The following ARL10 variants were observed in gnomAD, a reference collection of about 807,000 sequenced individuals.
ARL10 encodes ADP-ribosylation factor-like protein 10.
Under a neutral mutation model 26.1 loss-of-function variants are expected in ARL10, and 23 were observed. The observed-to-expected ratio is 0.88, with a 90% confidence interval of 0.63 to 1.25. The LOEUF is 1.25. Ranked by LOEUF, ARL10 falls within the 50% of genes most tolerant of loss-of-function variation. The pLI is 0.00. For missense variants in ARL10, 300 were observed against 323.6 expected, an observed-to-expected ratio of 0.93 and a Z score of 0.56; for synonymous variants, 138 against 149.1, an observed-to-expected ratio of 0.93 and a Z score of 0.54.
downstream of ARL10, chr5:176,384,287 C>G (rs1418994963): frequency 6.2e-7 from 1 of 1,614,252 alleles, no homozygotes; most frequent in East Asian, 2.2e-5. Flanking sequence ...TGCCACTCTG[C>G]TGGGTAAAAG....
downstream of ARL10, among the ~76,000 whole-genome samples, chr5:176,404,691 G>A (rs558490177): frequency 3.3e-5 from 5 of 152,342 alleles, no homozygotes; most frequent in African/African-American, 9.6e-5. Context: ...GCCCACTGAT[G>A]CACTCTAGTG....
intron 1 of ARL10, 70 bp from the exon 2 acceptor site, chr5:176,366,310 C>CTTCGGTCT (rs973754767): frequency 2.3e-5 from 35 of 1,517,902 alleles, no homozygotes; most frequent in African/African-American, 4.1e-5. Context: ...CCTCTGGTGC[C>CTTCGGTCT]TTCGGTCTTC....
At chr5:176,389,576 T>TA, downstream of ARL10, 1 of 1,441,834 alleles carries the variant, frequency 6.9e-7, no homozygotes. Flanking sequence ...CCGTGGGACT[T>TA]ACTCCCTCCT....
rs1424016499 is a variant in ARL10 at position 176,373,131 on chromosome 5, G to A, written c.*1236G>A. 1 of 398,216 alleles carries A rather than the reference G, an allele frequency of 2.5e-6. No individual in the cohort carries two copies. Among genetic ancestry groups the A allele is most frequent in the Admixed American group, 4.4e-5 (1 of 22,698 alleles). The allele number at this position is 398,216 out of a possible 1,614,324, so 24.7% of individuals were successfully genotyped here. ...AGAGGATTTCCCTTATGTGAATCTAGGTAAAAAGATGGAAAAAAATTGTAT... is the reference window on the plus strand; with the variant it reads ...AGAGGATTTCCCTTATGTGAATCTAAGTAAAAAGATGGAAAAAAATTGTAT... On this transcript the variant is annotated 3_prime_UTR_variant, in exon 4 of 4. Transcript: ENST00000310389.
Position 176,365,508 on chromosome 5 carries a change from G to T in ARL10, c.-56G>T. ...CAGCAGTCGCAGCGGGGCCATCTTCGGCGGGCGAGTGGGCTCGGCCTGTGC... is the reference window on the plus strand; with the variant it reads ...CAGCAGTCGCAGCGGGGCCATCTTCTGCGGGCGAGTGGGCTCGGCCTGTGC... On this transcript the variant is annotated 5_prime_UTR_variant, in exon 1 of 4. Coordinates refer to ENST00000310389, the MANE Select transcript of ARL10 (RefSeq NM_173664.6). The T allele has an allele frequency of 8.3e-7, 1 of 1,198,800 alleles. No individual in the cohort carries two copies. Among genetic ancestry groups the T allele is most frequent in the Non-Finnish European group, 1.0e-6 (1 of 963,220 alleles). 74.3% of individuals were successfully genotyped at this position (1,198,800 alleles called of 1,614,324 possible). A position where few individuals can be genotyped will look rare whatever the true frequency, so the allele number is the denominator to read the frequency against.
intron 1 of ARL10, chr5:176,388,172 C>T: frequency 7.9e-7 from 1 of 1,268,856 alleles, no homozygotes; most frequent in Non-Finnish European, 1.1e-6. Context: ...GTTCTGACAC[C>T]TAGGTCAGTA....
At chr5:176,365,775 G>A (rs1581389913) in intron 1 of ARL10, 29 bp downstream of exon 1, 1 of 1,232,950 alleles carries the variant, frequency 8.1e-7, no homozygotes, top group African/African-American at 1.6e-5. Context: ...CCTGCGGAAG[G>A]GCGGGCAGGC....
At chr5:176,390,054 T>G (rs974689713), downstream of ARL10, among the ~76,000 whole-genome samples, 1 of 151,812 alleles carries the variant, frequency 6.6e-6, no homozygotes, top group African/African-American at 2.4e-5. Flanking sequence ...TGGTGTTGCG[T>G]GCCTGTAATC....
At chr5:176,369,050 G>A (rs1266192806) in intron 3 of ARL10, 68 bp downstream of exon 3, 5 of 1,583,684 alleles carry the variant, frequency 3.2e-6, no homozygotes, top group Non-Finnish European at 4.3e-6. Flanking sequence ...CAGGGGCAAG[G>A]AGCGCTGCCT....
chr5:176,392,687 GCT>G, downstream of ARL10: 2 of 1,476,298 alleles, frequency 1.4e-6, no homozygotes, highest in Non-Finnish European at 1.9e-6. The surrounding 1 kb of genome is among the most constrained non-coding windows in gnomAD (Gnocchi z 5.2). Flanking sequence ...GGTAGCAGCT[GCT>G]GCGAGTCTCC....
downstream of ARL10, chr5:176,389,397 G>T (rs756673871): frequency 1.9e-6 from 3 of 1,614,130 alleles, no homozygotes; most frequent in Admixed American, 1.7e-5. Context: ...AACAGCCAGC[G>T]CTCTCAGCTC....
In ARL10 at chr5:176,369,186, G is replaced by A. The variant is rs1349301579; in HGVS notation, c.561+204G>A. 4 of 1,529,246 alleles carry A rather than the reference G, an allele frequency of 2.6e-6. No individual in the cohort carries two copies. The East Asian group carries it at 9.9e-5, about 38-fold the overall frequency. The allele number at this position is 1,529,246 out of a possible 1,614,324, so 94.7% of individuals were successfully genotyped here. ...CTATCATCTCGTACTCTGGAGAGAT[G>A]AGAAAAATAATTATTAAGTGCCTCC... On this transcript the variant is annotated intron_variant, in intron 3 of 3. Transcript: ENST00000310389.
chr5:176,401,255 G>A (rs528050421), intron 1 of ARL10, among the ~76,000 whole-genome samples: 2 of 152,324 alleles, frequency 1.3e-5, no homozygotes, highest in African/African-American at 4.8e-5. Flanking sequence ...CTGTTACTTT[G>A]TGTATATGGG....
downstream of ARL10, chr5:176,401,900 C>T (rs1418750824): frequency 1.3e-5 from 5 of 389,882 alleles, no homozygotes; most frequent in African/African-American, 8.3e-5. Context: ...GCCCTCACCG[C>T]CCCTGGCCTG....
rs539619878 is a variant in ARL10, at chr5:176,371,786, A to G, written c.626A>G (p.Asn209Ser). 1.2e-6 allele frequency: 2 copies of G among 1,614,216 alleles called. No homozygotes were observed. Among genetic ancestry groups the G allele is most frequent in the African/African-American group, 2.7e-5 (2 of 75,050 alleles). Residue 209 changes from asparagine (N) to serine (S), a missense_variant, in exon 4 of 4, where the codon AAC becomes AGC. Physicochemically the swap from Asn to Ser is conservative, Grantham distance 46. Coordinates refer to ENST00000310389, the MANE Select transcript of ARL10 (RefSeq NM_173664.6). ...QRELGLQAID[N>S]QREVFLLAAS... Reference sequence around the variant, plus strand: ...GAGCTGGGTCTACAGGCTATCGATAACCAGCGGGAGGTTTTCCTCTTGGCA... The same window carrying G: ...GAGCTGGGTCTACAGGCTATCGATAGCCAGCGGGAGGTTTTCCTCTTGGCA...
chr5:176,409,322 T>C, the ARL10 span, among the ~76,000 whole-genome samples: 5 of 148,404 alleles, frequency 3.4e-5, no homozygotes, highest in South Asian at 2.1e-4. Flanking sequence ...AGGACCATAC[T>C]GTGTATATTA....
At chr5:176,413,076 A>G in the ARL10 span, among the ~76,000 whole-genome samples, 1 of 152,116 alleles carries the variant, frequency 6.6e-6, no homozygotes, top group Non-Finnish European at 1.5e-5. Flanking sequence ...CTGGACATGC[A>G]GTTTCGGCCT....
At chr5:176,394,853 C>G (rs1032484845) in intron 1 of ARL10, among the ~76,000 whole-genome samples, 1 of 152,072 alleles carries the variant, frequency 6.6e-6, no homozygotes. Context: ...GGTCTATACT[C>G]TCTCTTCAGG....
At chr5:176,406,380 T>C (rs1219050166), downstream of ARL10, 12 of 1,133,266 alleles carry the variant, frequency 1.1e-5, no homozygotes, top group Admixed American at 1.3e-4. Context: ...GGCCCACCCA[T>C]GAGAACCTCT....
Sources: gnomAD v4.1 joint callset for allele counts (sites outside exome capture counted in the v4.1 genomes callset) on GRCh38, gnomAD v4.1.1 for gene constraint, Gnocchi (gnomAD v3.1) non-coding constraint, MANE v1.5 for transcripts, NCBI Gene and HGNC (gene_info 2026-07-23, HGNC 2026-07-21) for gene names.